The following SLC45A1 variants were observed in gnomAD, a reference collection of about 807,000 sequenced individuals.
SLC45A1 encodes solute carrier family 45 member 1.
In SLC45A1, 28 loss-of-function variants were observed where a neutral mutation model predicts 57.6. That is an observed-to-expected ratio of 0.49 (90% confidence interval 0.36 to 0.67). The LOEUF is 0.67. Among genes scored for constraint, SLC45A1 ranks in the 30% least tolerant of loss-of-function variants. SLC45A1 has a pLI of 0.00. For synonymous variants in SLC45A1, 459 were observed against 471.5 expected (o/e 0.97, Z 0.34); for missense variants, 814 against 1,041.5 (o/e 0.78, Z 3.01).
intron 1 of SLC45A1, among the ~76,000 whole-genome samples, chr1:8,323,912 G>A (rs1317991792): frequency 2.6e-5 from 4 of 152,212 alleles, no homozygotes; most frequent in African/African-American, 4.8e-5. Context: ...GGTCCCCTGG[G>A]ACCTTCAGGG....
chr1:8,324,402 A>G lies in SLC45A1; in HGVS notation c.73A>G (p.Arg25Gly). The G allele has an allele frequency of 1.2e-6, 2 of 1,612,590 alleles. No individual in the cohort carries two copies. Among genetic ancestry groups the G allele is most frequent in the Non-Finnish European group, 1.7e-6 (2 of 1,179,942 alleles). Residue 25 changes from arginine to glycine, a missense_variant, in exon 2 of 9, where the codon AGG becomes GGG. Physicochemically the swap from Arg to Gly is moderately radical, Grantham distance 125. Coordinates refer to ENST00000471889, the MANE Select transcript of SLC45A1 (RefSeq NM_001080397.3). ...FPSVAPQDFW[R>G]SQVTGYSGSV... is the part of the protein sequence containing the mutation. ...CAGCGTGGCCCCACAGGACTTCTGG[A>G]GGTCCCAGGTCACGGGCTACTCGGG... is the stretch of plus-strand genomic sequence containing the variant.
chr1:8,329,773 T>C (rs955615424), intron 4 of SLC45A1, among the ~76,000 whole-genome samples: 1 of 152,228 alleles, frequency 6.6e-6, no homozygotes, highest in Admixed American at 6.5e-5. Context: ...CATGGTGTTC[T>C]GTGCATGGGG....
At position 8,326,616 on chromosome 1, in the gene SLC45A1, T is replaced by G. The variant is rs1557560717; in HGVS notation, c.715+574T>G. Among the ~76,000 whole-genome samples the G allele has an allele frequency of 6.6e-6, 1 of 152,092 alleles. No individual in the cohort carries two copies. Among genetic ancestry groups the G allele is most frequent in the South Asian group, 2.1e-4 (1 of 4,826 alleles). ...AAACGTCAGACAGCTTGGGGGCCAT[T>G]TAAACAGTGAAACACCAACAAAAAA... On this transcript the variant is annotated intron_variant, in intron 4 of 8. Transcript: ENST00000471889. The surrounding 1 kb of genome is among the most constrained non-coding windows in gnomAD (Gnocchi z 5.5).
At chr1:8,323,490 C>CAAAAA (rs34956825) in intron 1 of SLC45A1, among the ~76,000 whole-genome samples, 2 of 127,540 alleles carry the variant, frequency 1.6e-5, no homozygotes, top group African/African-American at 3.4e-5. Context: ...GACTCTGTCT[C>CAAAAA]AAAAAAAAAA....
At position 8,326,511 on chromosome 1, in the gene SLC45A1, C is replaced by T. The variant is rs1640208091; in HGVS notation, c.715+469C>T. Among the ~76,000 whole-genome samples, 3 of 152,310 alleles carry T rather than the reference C, an allele frequency of 2.0e-5. No individual in the cohort carries two copies. Among genetic ancestry groups the T allele is most frequent in the South Asian group, 4.1e-4 (2 of 4,830 alleles). On this transcript the variant is annotated intron_variant, in intron 4 of 8. Coordinates refer to ENST00000471889, the MANE Select transcript of SLC45A1 (RefSeq NM_001080397.3). This position sits in a 1 kb window ranked among gnomAD's most constrained non-coding sequence, Gnocchi z 5.5. ...TTAACATTGAATTGACGGCCGACAG[C>T]GCTGCAACTCAAGCCTGAACGAAGC...
At chr1:8,342,077 G>A (rs765399373) in intron 8 of SLC45A1, among the ~76,000 whole-genome samples, 2 of 151,470 alleles carry the variant, frequency 1.3e-5, no homozygotes, top group African/African-American at 4.9e-5. Flanking sequence ...CGTGGTGGCG[G>A]GCGCCTGTAG....
rs1640580527 is a variant in SLC45A1, at chr1:8,335,535, C to T, written c.1542C>T (p.Ser514=). 6.2e-7 allele frequency: 1 copy of T among 1,606,394 alleles called. No individual in the cohort carries two copies. The highest frequency in any genetic ancestry group is 2.2e-5 in the East Asian group (1 of 44,832). ...EQPLSVGRLC[S]TICNMPKALR... is the part of the protein sequence containing the mutation. ...CTCTGTCCGTGGGGCGCCTCTGCTC[C>T]ACCATCTGCAACATGCCCAAGGCGC... is the stretch of plus-strand genomic sequence containing the variant. The change falls in exon 6 of 9, where the codon TCC becomes TCT. Residue 514 remains serine (S), a synonymous_variant. Transcript: ENST00000471889. The surrounding 1 kb of genome is among the most constrained non-coding windows in gnomAD (Gnocchi z 4.1).
At chr1:8,339,443 C>T in intron 7 of SLC45A1, 50 bp from the exon 8 acceptor site, 1 of 1,589,004 alleles carries the variant, frequency 6.3e-7, no homozygotes. Flanking sequence ...AAGCTGAATC[C>T]CCGGAGGCTC....
Position 8,330,238 on chromosome 1 carries a change from G to A in SLC45A1, c.745G>A (p.Gly249Ser), listed in dbSNP as rs554626444. The change falls in exon 5 of 9, where the codon GGC becomes AGC. Residue 249 changes from glycine (G) to serine (S), a missense_variant. Gly to Ser is a moderately conservative substitution (Grantham distance 56). Transcript: ENST00000471889. This position sits in a 1 kb window ranked among gnomAD's most constrained non-coding sequence, Gnocchi z 8.4. Reference sequence around the variant, plus strand: ...CGGAGGAGGCTTTGGATACGTGGTCGGCGGAATCCACTGGGATAAAACGGG... The same window carrying A: ...CGGAGGAGGCTTTGGATACGTGGTCAGCGGAATCCACTGGGATAAAACGGG... Reference protein sequence around the residue: ...GLGGGFGYVVGGIHWDKTGFG... With the variant: ...GLGGGFGYVVSGIHWDKTGFG... The A allele has an allele frequency of 4.3e-5, 70 of 1,613,860 alleles. No individual in the cohort carries two copies. Among genetic ancestry groups the A allele is most frequent in the Non-Finnish European group, 5.6e-5 (66 of 1,179,952 alleles).
Position 8,337,929 on chromosome 1 carries a change from A to G in SLC45A1, c.1711A>G (p.Ser571Gly), listed in dbSNP as rs1036226117. Residue 571 changes from serine (S) to glycine (G), a missense_variant, in exon 7 of 9, where the codon AGC becomes GGC. Physicochemically the swap from Ser to Gly is moderately conservative, Grantham distance 56. Coordinates refer to ENST00000471889, the MANE Select transcript of SLC45A1 (RefSeq NM_001080397.3). ...ATCAGAGGCGTATCAGAAGTACAAC[A>G]GCGGCGTGACCATGGGCTGCTGGGG... Reference protein sequence around the residue: ...HTSEAYQKYNSGVTMGCWGMC... With the variant: ...HTSEAYQKYNGGVTMGCWGMC... The G allele has an allele frequency of 6.2e-7, 1 of 1,614,180 alleles. No individual in the cohort carries two copies. The highest frequency in any genetic ancestry group is 8.5e-7 in the Non-Finnish European group (1 of 1,180,018).
chr1:8,344,051 TG>T lies in SLC45A1; in HGVS notation c.*43del. ...TCGACTCCGGACACGCGCCTGCACC[TG>T]GGGGTCTGGAGCAGGCCGACCAGTG... On this transcript the variant is annotated 3_prime_UTR_variant, in exon 9 of 9. Coordinates refer to ENST00000471889, the MANE Select transcript of SLC45A1 (RefSeq NM_001080397.3). 1.9e-6 allele frequency: 3 copies of T among 1,571,844 alleles called. No individual in the cohort carries two copies. The highest frequency in any genetic ancestry group is 1.7e-6 in the Non-Finnish European group (2 of 1,156,872).
rs938114180 is a variant in SLC45A1, at chr1:8,344,046, G to C, written c.*33G>C. 5.2e-5 allele frequency: 82 copies of C among 1,574,610 alleles called. 1 individual carries two copies. Among genetic ancestry groups the C allele is most frequent in the Non-Finnish European group, 6.6e-5 (76 of 1,158,548 alleles). On this transcript the variant is annotated 3_prime_UTR_variant, in exon 9 of 9. Coordinates refer to ENST00000471889, the MANE Select transcript of SLC45A1 (RefSeq NM_001080397.3). ...GAGCCTCGACTCCGGACACGCGCCT[G>C]CACCTGGGGGTCTGGAGCAGGCCGA...
chr1:8,333,510 A>G (rs938709546), intron 5 of SLC45A1, among the ~76,000 whole-genome samples: 2 of 152,166 alleles, frequency 1.3e-5, no homozygotes, highest in African/African-American at 4.8e-5. Context: ...TTCACGGCTC[A>G]CTGCAGCCTC....
At position 8,343,680 on chromosome 1, in the gene SLC45A1, C is replaced by T. The variant is rs1640900450; in HGVS notation, c.1981-67C>T. On this transcript the variant is annotated intron_variant, in intron 8 of 8. Transcript: ENST00000471889. The surrounding 1 kb of genome is among the most constrained non-coding windows in gnomAD (Gnocchi z 7.7). Reference sequence around the variant, plus strand: ...TCGGGCCTCCTGGGCTCGCAGGACACACCGAGCTCGGTCACCCCGTGCTGG... The same window carrying T: ...TCGGGCCTCCTGGGCTCGCAGGACATACCGAGCTCGGTCACCCCGTGCTGG... The T allele has an allele frequency of 6.5e-7, 1 of 1,548,890 alleles. No individual in the cohort carries two copies. Among genetic ancestry groups the T allele is most frequent in the Non-Finnish European group, 8.7e-7 (1 of 1,144,020 alleles).
chr1:8,335,356 G>A lies in SLC45A1; in HGVS notation c.1444-81G>A, dbSNP rs945895825. Reference sequence around the variant, plus strand: ...GCCTCCGTGCGGTGTTTCCGAGAGCGCATTCCCCTGAGCAGAGCAGGGTCT... The same window carrying A: ...GCCTCCGTGCGGTGTTTCCGAGAGCACATTCCCCTGAGCAGAGCAGGGTCT... On this transcript the variant is annotated intron_variant, in intron 5 of 8. Coordinates refer to ENST00000471889, the MANE Select transcript of SLC45A1 (RefSeq NM_001080397.3). This position sits in a 1 kb window ranked among gnomAD's most constrained non-coding sequence, Gnocchi z 4.1. The A allele has an allele frequency of 1.3e-5, 18 of 1,336,146 alleles. No homozygotes were observed. The highest frequency in any genetic ancestry group is 7.5e-5 in the African/African-American group (5 of 66,534). 82.8% of individuals were successfully genotyped at this position (1,336,146 alleles called of 1,614,324 possible). A position where few individuals can be genotyped will look rare whatever the true frequency, so the allele number is the denominator to read the frequency against.
rs1490577224 is a variant in SLC45A1, at chr1:8,324,714, A to G, written c.385A>G (p.Ser129Gly). 1.9e-6 allele frequency: 3 copies of G among 1,588,432 alleles called. No individual in the cohort carries two copies. The highest frequency in any genetic ancestry group is 2.3e-5 in the South Asian group (2 of 87,616). Residue 129 changes from serine to glycine, a missense_variant, in exon 2 of 9, where the codon AGC becomes GGC. Ser to Gly is a moderately conservative substitution (Grantham distance 56). Coordinates refer to ENST00000471889, the MANE Select transcript of SLC45A1 (RefSeq NM_001080397.3). ...DQLYSLVWFISPILGFLLQPL... is the reference protein window; with the variant it reads ...DQLYSLVWFIGPILGFLLQPL... Reference sequence around the variant, plus strand: ...GCTCTACAGCCTGGTGTGGTTCATCAGCCCCATCCTCGGTGAGCCCCGGCT... The same window carrying G: ...GCTCTACAGCCTGGTGTGGTTCATCGGCCCCATCCTCGGTGAGCCCCGGCT...
At chr1:8,338,521 C>A (rs1305986738) in intron 7 of SLC45A1, among the ~76,000 whole-genome samples, 1 of 152,260 alleles carries the variant, frequency 6.6e-6, no homozygotes, top group African/African-American at 2.4e-5. Context: ...CCCCATGGGG[C>A]CTGGCCGGTA....
intron 8 of SLC45A1, among the ~76,000 whole-genome samples, chr1:8,340,256 G>A (rs930843365): frequency 1.3e-5 from 2 of 150,266 alleles, no homozygotes; most frequent in Non-Finnish European, 1.5e-5. Context: ...TCCGCCTCCC[G>A]GGTTCAAGTG....
rs61785825 is a variant in SLC45A1 at position 8,318,503 on chromosome 1, C to T, written c.-25+317C>T. On this transcript the variant is annotated intron_variant, in intron 1 of 8. Coordinates refer to ENST00000471889, the MANE Select transcript of SLC45A1 (RefSeq NM_001080397.3). The stretch of plus-strand genomic sequence containing the variant: ...CGCTCCTTGAGCCGGAGGCCTGGTC[C>T]CTAGTCACCTGGGCAGGTGTCATCC... 2.4e-4 allele frequency among the ~76,000 whole-genome samples: 37 copies of T among 152,338 alleles called. No individual in the cohort carries two copies. The South Asian group carries it at 4.8e-3, about 20-fold the overall frequency.
Sources: gnomAD v4.1 joint callset for allele counts (sites outside exome capture counted in the v4.1 genomes callset) on GRCh38, gnomAD v4.1.1 for gene constraint, Gnocchi (gnomAD v3.1) non-coding constraint, MANE v1.5 for transcripts, NCBI Gene and HGNC (gene_info 2026-07-23, HGNC 2026-07-21) for gene names.